Variants in GCN1 observed in about 807,000 individuals in gnomAD.
The protein encoded by GCN1 is stalled ribosome sensor GCN1.
A neutral mutation model predicts 288.4 loss-of-function variants in GCN1; 90 were observed. The ratio of observed to expected loss-of-function variants is 0.31; its 90% confidence interval spans 0.26 to 0.37. GCN1 has a LOEUF of 0.37. GCN1 is among the 10% of genes least tolerant of loss of function. GCN1 has a pLI of 1.00. For synonymous variants in GCN1, 1,386 were observed against 1,420.2 expected (o/e 0.98, Z 0.54); for missense variants, 2,586 against 3,419.9 (o/e 0.76, Z 6.08).
chr12:120,138,134 G>T, intron 47 of GCN1, 90 bp from the exon 48 acceptor site: 2 of 1,240,540 alleles, frequency 1.6e-6, no homozygotes, highest in Non-Finnish European at 2.3e-6. Context: ...GAGAGCCCAA[G>T]CCCACTGCTC....
At chr12:120,168,826 T>G (rs1352292127) in intron 15 of GCN1, among the ~76,000 whole-genome samples, 1 of 152,094 alleles carries the variant, frequency 6.6e-6, no homozygotes, top group Non-Finnish European at 1.5e-5. Flanking sequence ...TACTGTGAAG[T>G]AAGCACCCTG....
intron 11 of GCN1, among the ~76,000 whole-genome samples, chr12:120,175,460 C>T (rs545015451): frequency 1.6e-4 from 24 of 152,356 alleles, no homozygotes; most frequent in African/African-American, 5.5e-4. Context: ...ACTCATGTCT[C>T]CACTACTCAA....
At chr12:120,161,798 A>G (rs989458685) in intron 21 of GCN1, 82 bp downstream of exon 21, 2 of 1,346,974 alleles carry the variant, frequency 1.5e-6, no homozygotes, top group African/African-American at 2.9e-5. Flanking sequence ...TTCAACTCAC[A>G]GGAGGCACTG....
chr12:120,134,321 T>C lies in GCN1; in HGVS notation c.7287A>G (p.Ser2429=), dbSNP rs1038376554. The change falls in exon 53 of 58, where the codon TCA becomes TCG. Residue 2429 remains serine (S), a synonymous_variant. Coordinates refer to ENST00000300648, the MANE Select transcript of GCN1 (RefSeq NM_006836.2). The surrounding 1 kb of genome is among the most constrained non-coding windows in gnomAD (Gnocchi z 5.0). ...CGTGTCCCAGCATGCTCAGCAGGAG[T>C]GAGACGATGTTTTTCCGGATGACGG... ...VDAVIRKNIV[S]LLLSMLGHDE... 3 of 1,613,278 alleles carry C rather than the reference T, an allele frequency of 1.9e-6. No homozygotes were observed. Among genetic ancestry groups the C allele is most frequent in the South Asian group, 1.1e-5 (1 of 91,048 alleles).
In GCN1 at chr12:120,138,094, G is replaced by A. The variant is rs73412809; in HGVS notation, c.6250-50C>T. On this transcript the variant is annotated intron_variant, in intron 47 of 57. Transcript: ENST00000300648. ...CAGTGAATACTGTGCCAGGTGCTGCGCTAGGCTCTGGGAACAGACGGGTGG... is the reference window on the plus strand; with the variant it reads ...CAGTGAATACTGTGCCAGGTGCTGCACTAGGCTCTGGGAACAGACGGGTGG... 1.1e-5 allele frequency: 17 copies of A among 1,533,892 alleles called. No individual in the cohort carries two copies. The East Asian group carries it at 1.4e-4, about 13-fold the overall frequency.
intron 44 of GCN1, 119 bp from the exon 45 acceptor site, chr12:120,141,142 T>G: frequency 1.2e-6 from 1 of 828,560 alleles, no homozygotes; most frequent in Non-Finnish European, 1.9e-6. Flanking sequence ...CTGACTTAAC[T>G]TCCCCAAATG....
At chr12:120,168,821 T>C (rs1444235835) in intron 15 of GCN1, among the ~76,000 whole-genome samples, 1 of 152,012 alleles carries the variant, frequency 6.6e-6, no homozygotes, top group East Asian at 1.9e-4. Context: ...GCGCCTACTG[T>C]GAAGTAAGCA....
chr12:120,143,134 C>T (rs537701147), intron 42 of GCN1, among the ~76,000 whole-genome samples, 193 bp from the exon 43 acceptor site: 14 of 152,194 alleles, frequency 9.2e-5, no homozygotes, highest in Admixed American at 7.2e-4. Context: ...AATGAACATA[C>T]ATTAATGTTG....
chr12:120,138,234 C>T (rs554084548), intron 47 of GCN1, 89 bp downstream of exon 47: 6 of 981,348 alleles, frequency 6.1e-6, no homozygotes, highest in East Asian at 2.4e-5. Flanking sequence ...AGCCCTCCAA[C>T]ATCTACGTTC....
In GCN1 at chr12:120,136,515, A is replaced by G. The variant is rs759274529; in HGVS notation, c.6995T>C (p.Leu2332Pro). The part of the protein sequence containing the change: ...VKAALLETLS[L>P]LLAKVGIALK... ...TCAGCCACTCACCTTAGCCAACAAG[A>G]GGCTGAGTGTCTCGAGCAGAGCCGC... The change falls in exon 51 of 58, where the codon CTC becomes CCC. Residue 2332 changes from leucine to proline, a missense_variant. This residue lies in a region of GCN1 where 17 missense variants were observed against 52.8 expected (regional missense o/e 0.32). Coordinates refer to ENST00000300648, the MANE Select transcript of GCN1 (RefSeq NM_006836.2). 1.9e-6 allele frequency: 3 copies of G among 1,613,310 alleles called. No homozygotes were observed. Among genetic ancestry groups the G allele is most frequent in the Non-Finnish European group, 2.5e-6 (3 of 1,179,202 alleles).
chr12:120,135,962 G>GCCGAGAT (rs1043906090), intron 51 of GCN1, among the ~76,000 whole-genome samples: 1 of 151,992 alleles, frequency 6.6e-6, no homozygotes, highest in African/African-American at 2.4e-5. Context: ...GTTGCAGTGA[G>GCCGAGAT]CCGAGATCGC....
intron 15 of GCN1, among the ~76,000 whole-genome samples, chr12:120,169,276 CAAAAAA>C (rs35819206): frequency 6.0e-5 from 4 of 66,674 alleles, no homozygotes; most frequent in Admixed American, 2.0e-4. Context: ...AACTCCGTCT[CAAAAAA>C]AAAAAAAAAA....
At chr12:120,154,636 G>A (rs185452146) in intron 31 of GCN1, among the ~76,000 whole-genome samples, 5 of 152,338 alleles carry the variant, frequency 3.3e-5, no homozygotes, top group East Asian at 3.9e-4. Flanking sequence ...ACACGCTCAC[G>A]GTCACGCAGC....
In GCN1 at chr12:120,144,174, C is replaced by G. The variant is rs1179025414; in HGVS notation, c.5495+132G>C. 1 of 937,426 alleles carries G rather than the reference C, an allele frequency of 1.1e-6. No individual in the cohort carries two copies. The highest frequency in any genetic ancestry group is 1.7e-6 in the Non-Finnish European group (1 of 598,560). The allele number at this position is 937,426 out of a possible 1,614,324, so 58.1% of individuals were successfully genotyped here. The stretch of plus-strand genomic sequence containing the variant: ...TATTTTTTATAGAGACAGGGTCTCA[C>G]TATGTTGCCAGGGCTCATCGTAAAC... On this transcript the variant is annotated intron_variant, in intron 42 of 57. Transcript: ENST00000300648. The surrounding 1 kb of genome is among the most constrained non-coding windows in gnomAD (Gnocchi z 4.7).
At chr12:120,139,527 C>G (rs1167504697) in intron 45 of GCN1, among the ~76,000 whole-genome samples, 1 of 151,910 alleles carries the variant, frequency 6.6e-6, no homozygotes, top group Non-Finnish European at 1.5e-5. Context: ...ACTCAGGAGG[C>G]CATAGCGAGA....
chr12:120,149,845 C>G, intron 35 of GCN1, 77 bp downstream of exon 35: 2 of 1,579,304 alleles, frequency 1.3e-6, no homozygotes, highest in Non-Finnish European at 1.7e-6. Flanking sequence ...AGACCCTGTG[C>G]CAAGGCCTGC....
intron 15 of GCN1, among the ~76,000 whole-genome samples, chr12:120,169,232 G>A (rs1308129040): frequency 5.1e-5 from 7 of 138,606 alleles, no homozygotes; most frequent in Admixed American, 8.1e-5. Context: ...AGTCGAGATC[G>A]CGCCACTGCA....
At chr12:120,145,902 T>A (rs545074161) in intron 38 of GCN1, among the ~76,000 whole-genome samples, 1 of 152,334 alleles carries the variant, frequency 6.6e-6, no homozygotes, top group African/African-American at 2.4e-5. Flanking sequence ...ATCAGTTTTG[T>A]GAATAACTTG....
At position 120,142,215 on chromosome 12, in the gene GCN1, A is replaced by G. The variant is rs1877219765; in HGVS notation, c.5829+292T>C. 6.6e-6 allele frequency among the ~76,000 whole-genome samples: 1 copy of G among 152,000 alleles called. No homozygotes were observed. Among genetic ancestry groups the G allele is most frequent in the Non-Finnish European group, 1.5e-5 (1 of 68,008 alleles). On this transcript the variant is annotated intron_variant, in intron 44 of 57. Transcript: ENST00000300648. The surrounding 1 kb of genome is among the most constrained non-coding windows in gnomAD (Gnocchi z 4.9). ...GTGGTGGATGCCTGTAGTCCCAGCT[A>G]CTCGGGAGGCTGAGGCAGGAGAATG... is the stretch of plus-strand genomic sequence containing the variant.
Sources: gnomAD v4.1 joint callset for allele counts (sites outside exome capture counted in the v4.1 genomes callset) on GRCh38, gnomAD v4.1.1 for gene constraint, gnomAD v4.1.1 regional missense constraint, Gnocchi (gnomAD v3.1) non-coding constraint, MANE v1.5 for transcripts, NCBI Gene and HGNC (gene_info 2026-07-23, HGNC 2026-07-21) for gene names.